The following AFDN variants were observed in gnomAD, a reference collection of about 807,000 sequenced individuals.
AFDN encodes afadin.
In AFDN, 68 loss-of-function variants were observed where a neutral mutation model predicts 216.6. The observed-to-expected ratio is 0.31, with a 90% CI of 0.26 to 0.38. The LOEUF is 0.38. Ranked by LOEUF, AFDN falls within the 10% of genes least tolerant of loss-of-function variation. The pLI is 1.00. For synonymous variants in AFDN, 868 were observed against 853.7 expected (o/e 1.02, Z -0.29); for missense variants, 2,136 against 2,342.0 (o/e 0.91, Z 1.82).
At chr6:167,874,607 A>T (rs1308941279) in intron 4 of AFDN, among the ~76,000 whole-genome samples, 3 of 143,986 alleles carry the variant, frequency 2.1e-5, no homozygotes, top group Non-Finnish European at 3.0e-5. Context: ...AAAATTTGCT[A>T]TAATTTTTTT....
chr6:167,940,936 T>A (rs1418612796), intron 23 of AFDN, among the ~76,000 whole-genome samples: 1 of 42,828 alleles, frequency 2.3e-5, no homozygotes, highest in Non-Finnish European at 3.9e-5. Flanking sequence ...ACAGGAGAGA[T>A]GTGTGGACAG....
rs1323450014 is a variant in AFDN, at chr6:167,827,038, G to C, written c.-95G>C. On this transcript the variant is annotated 5_prime_UTR_variant, in exon 1 of 34. Coordinates refer to ENST00000683244, the MANE Select transcript of AFDN (RefSeq NM_001386888.1). ...CCGCGGAGGCGGAGGCGGCCGGCGG[G>C]GGGTGGCGAGGGGCGCCGGGCCCCC... is the stretch of plus-strand genomic sequence containing the variant. 1.6e-5 allele frequency: 7 copies of C among 450,868 alleles called. No individual in the cohort carries two copies. Among genetic ancestry groups the C allele is most frequent in the African/African-American group, 2.2e-5 (1 of 46,470 alleles). The allele number at this position is 450,868 out of a possible 1,614,324, so 27.9% of individuals were successfully genotyped here. A position where few individuals can be genotyped will look rare whatever the true frequency, so the allele number is the denominator to read the frequency against.
At chr6:167,943,318 T>G in intron 24 of AFDN, 84 bp from the exon 25 acceptor site, 1 of 1,426,346 alleles carries the variant, frequency 7.0e-7, no homozygotes, top group Non-Finnish European at 9.9e-7. Flanking sequence ...ACAAATAGAG[T>G]ATCTACTCAT....
At chr6:167,902,201 A>C in intron 11 of AFDN, 116 bp from the exon 12 acceptor site, 1 of 764,182 alleles carries the variant, frequency 1.3e-6, no homozygotes, top group Non-Finnish European at 2.1e-6. Flanking sequence ...AAACAGAGCA[A>C]TTTCTTAAAA....
intron 1 of AFDN, among the ~76,000 whole-genome samples, chr6:167,835,535 C>A (rs1780331329): frequency 6.6e-6 from 1 of 152,156 alleles, no homozygotes; most frequent in East Asian, 1.9e-4. Context: ...GAAACGTACT[C>A]AATTTTCAAG....
At chr6:167,913,956 A>G (rs1790727081) in intron 16 of AFDN, 1 of 554,236 alleles carries the variant, frequency 1.8e-6, no homozygotes, top group African/African-American at 1.9e-5. Flanking sequence ...GTCTATGTGC[A>G]TGAATCCTAA....
At chr6:167,936,698 G>T (rs1007575627) in intron 23 of AFDN, among the ~76,000 whole-genome samples, 5 of 152,148 alleles carry the variant, frequency 3.3e-5, no homozygotes, top group Non-Finnish European at 5.9e-5. Context: ...CATCTGACCA[G>T]CAGCAGAGGC....
In AFDN at chr6:167,970,292, A is replaced by G. The variant is rs187079779; in HGVS notation, c.*357A>G. Reference sequence around the variant, plus strand: ...CTCTCCCATCTTCCCCTCATCATCGACCGAGGAGCACAAAGAAGTTCTGTT... The same window carrying G: ...CTCTCCCATCTTCCCCTCATCATCGGCCGAGGAGCACAAAGAAGTTCTGTT... On this transcript the variant is annotated 3_prime_UTR_variant, in exon 34 of 34. Coordinates refer to ENST00000683244, the MANE Select transcript of AFDN (RefSeq NM_001386888.1). The G allele has an allele frequency of 3.3e-5, 9 of 272,146 alleles. No individual in the cohort carries two copies. In the East Asian group the frequency reaches 5.5e-4, roughly 17 times the overall value. The allele number at this position is 272,146 out of a possible 1,614,324, so 16.9% of individuals were successfully genotyped here.
chr6:167,851,995 C>G (rs1782367239), intron 1 of AFDN, among the ~76,000 whole-genome samples: 1 of 152,122 alleles, frequency 6.6e-6, no homozygotes, highest in Non-Finnish European at 1.5e-5. Flanking sequence ...AACTCATTCC[C>G]TAGACTTCAC....
chr6:167,839,149 C>T (rs1286343473), intron 1 of AFDN, among the ~76,000 whole-genome samples: 4 of 151,986 alleles, frequency 2.6e-5, no homozygotes, highest in African/African-American at 2.4e-5. Context: ...GTAATGTTAA[C>T]ATTTTATTAG....
In AFDN at chr6:167,889,281, G is replaced by T; in HGVS notation, c.964G>T (p.Asp322Tyr). 1 of 1,614,058 alleles carries T rather than the reference G, an allele frequency of 6.2e-7. No individual in the cohort carries two copies. The highest frequency in any genetic ancestry group is 1.1e-5 in the South Asian group (1 of 91,080). ...KGAKEIILDD[D>Y]ECPLQIFREW... ...TGCTAAAGAAATTATTCTTGATGAT[G>T]ATGAGTGTCCTTTACAAATCTTCAG... Residue 322 changes from aspartate (D) to tyrosine (Y), a missense_variant, in exon 7 of 34, where the codon GAT becomes TAT. Asp to Tyr is a radical substitution (Grantham distance 160). Coordinates refer to ENST00000683244, the MANE Select transcript of AFDN (RefSeq NM_001386888.1).
chr6:167,935,456 A>C (rs1331758026), intron 23 of AFDN, among the ~76,000 whole-genome samples: 1 of 152,262 alleles, frequency 6.6e-6, no homozygotes, highest in East Asian at 1.9e-4. Context: ...GCATTTAAAA[A>C]TTTACCTCTG....
chr6:167,916,239 A>G (rs1478062809), intron 19 of AFDN, among the ~76,000 whole-genome samples: 1 of 152,160 alleles, frequency 6.6e-6, no homozygotes, highest in Non-Finnish European at 1.5e-5. Context: ...CTGTGTCCGA[A>G]AGACTGCTTT....
chr6:167,965,835 C>G lies in AFDN; in HGVS notation c.5047C>G (p.Leu1683Val). Residue 1683 changes from leucine to valine, a missense_variant, in exon 32 of 34, where the codon CTG (leucine) becomes GTG (valine). By Grantham distance (32) the Leu-to-Val change is conservative (BLOSUM62 1). Coordinates refer to ENST00000683244, the MANE Select transcript of AFDN (RefSeq NM_001386888.1). ...RQHDEAARRL[L>V]EPEAPGLCRP... ...GCACGACGAGGCGGCGCGCAGGTTGCTGGAGCCCGAGGCGCCCGGTCTGTG... is the reference window on the plus strand; with the variant it reads ...GCACGACGAGGCGGCGCGCAGGTTGGTGGAGCCCGAGGCGCCCGGTCTGTG... The G allele has an allele frequency of 6.4e-7, 1 of 1,553,906 alleles. No homozygotes were observed. Among genetic ancestry groups the G allele is most frequent in the Non-Finnish European group, 8.7e-7 (1 of 1,148,964 alleles).
rs1259191234 is a variant in AFDN at position 167,951,037 on chromosome 6, C to T, written c.3832-149C>T. The stretch of plus-strand genomic sequence containing the variant: ...CACAGATAAATGCACTGTTACTCCA[C>T]ATTAGCCAATGAGCCTTGTAGGGCA... On this transcript the variant is annotated intron_variant, in intron 29 of 33. Coordinates refer to ENST00000683244, the MANE Select transcript of AFDN (RefSeq NM_001386888.1). This position sits in a 1 kb window ranked among gnomAD's most constrained non-coding sequence, Gnocchi z 7.1. 5 of 1,208,894 alleles carry T rather than the reference C, an allele frequency of 4.1e-6. No individual in the cohort carries two copies. Among genetic ancestry groups the T allele is most frequent in the Admixed American group, 6.4e-5 (2 of 31,134 alleles). The allele number at this position is 1,208,894 out of a possible 1,614,324, so 74.9% of individuals were successfully genotyped here. A position where few individuals can be genotyped will look rare whatever the true frequency, so the allele number is the denominator to read the frequency against.
At position 167,951,161 on chromosome 6, in the gene AFDN, A is replaced by T. The variant is rs755676258; in HGVS notation, c.3832-25A>T. ...GTAATTTCTAGTAAATGGCTGAAAT[A>T]TAATAATTCTTTTTCTTTTTGCAGC... On this transcript the variant is annotated intron_variant, in intron 29 of 33. Coordinates refer to ENST00000683244, the MANE Select transcript of AFDN (RefSeq NM_001386888.1). The surrounding 1 kb of genome is among the most constrained non-coding windows in gnomAD (Gnocchi z 7.1). 1.3e-6 allele frequency: 2 copies of T among 1,516,866 alleles called. No homozygotes were observed. Among genetic ancestry groups the T allele is most frequent in the South Asian group, 2.7e-5 (2 of 74,238 alleles). 94.0% of individuals were successfully genotyped at this position (1,516,866 alleles called of 1,614,324 possible). A position where few individuals can be genotyped will look rare whatever the true frequency, so the allele number is the denominator to read the frequency against.
intron 30 of AFDN, among the ~76,000 whole-genome samples, chr6:167,959,515 G>A (rs1279047131): frequency 6.6e-6 from 1 of 152,156 alleles, no homozygotes; most frequent in Admixed American, 6.5e-5. Context: ...TTTTTAGGGT[G>A]GACATTTTTA....
intron 3 of AFDN, among the ~76,000 whole-genome samples, chr6:167,871,350 C>G (rs1389584742): frequency 6.6e-6 from 1 of 152,172 alleles, no homozygotes; most frequent in African/African-American, 2.4e-5. Flanking sequence ...TTCTGCTCCA[C>G]AATTTCAGCA....
At chr6:167,903,031 A>C (rs941553036) in intron 12 of AFDN, among the ~76,000 whole-genome samples, 4 of 151,814 alleles carry the variant, frequency 2.6e-5, no homozygotes, top group African/African-American at 9.7e-5. Flanking sequence ...CCCTTAATAC[A>C]CTCCTTTTAT....
Sources: allele counts gnomAD v4.1 joint callset (sites outside exome capture counted in the v4.1 genomes callset), GRCh38; gene constraint gnomAD v4.1.1; non-coding constraint Gnocchi (gnomAD v3.1); transcripts MANE v1.5; gene names NCBI Gene and HGNC (gene_info 2026-07-23, HGNC 2026-07-21).